The following SLC30A8 variants were observed in gnomAD, a reference collection of about 807,000 sequenced individuals.
SLC30A8 encodes proton-coupled zinc antiporter SLC30A8.
A neutral mutation model predicts 36.9 loss-of-function variants in SLC30A8; 27 were observed. The observed-to-expected ratio is 0.73, with a 90% confidence interval of 0.54 to 1.01. The LOEUF is 1.01. SLC30A8 is among the 50% of genes least tolerant of loss of function. The probability of loss-of-function intolerance (pLI) is 0.00; values close to 1 mark genes in which losing one functional copy is unlikely to be tolerated. For missense variants in SLC30A8, 439 were observed against 452.0 expected, an observed-to-expected ratio of 0.97 and a Z score of 0.26; for synonymous variants, 164 against 172.4, an observed-to-expected ratio of 0.95 and a Z score of 0.38.
At chr8:117,123,300 A>C (rs16889433) in intron 2 of SLC30A8, among the ~76,000 whole-genome samples, 8,601 of 152,060 alleles carry the variant, frequency 0.057, 657 homozygotes, top group African/African-American at 0.17. Context: ...CAAATACCTT[A>C]ATGTTTTAAA....
intron 1 of SLC30A8, among the ~76,000 whole-genome samples, chr8:117,002,814 A>G (rs993710546): frequency 1.3e-5 from 2 of 152,164 alleles, no homozygotes; most frequent in African/African-American, 4.8e-5. Context: ...CGTGTTGGCC[A>G]GGATGGTCTC....
Position 117,031,353 on chromosome 8 carries a change from C to CTA in SLC30A8, c.-265-7863_-265-7862dup, listed in dbSNP as rs576051969. ...GCTGTTCAATTCCAAAGCTTATATG[C>CTA]TATACTATAGGGCTTTCTAGAATTT... On this transcript the variant is annotated intron_variant, in intron 1 of 10. Coordinates refer to the SLC30A8 transcript ENST00000427715. 7.9e-5 allele frequency among the ~76,000 whole-genome samples: 12 copies of CTA among 152,242 alleles called. No homozygotes were observed. In the East Asian group the frequency reaches 2.3e-3, roughly 29 times the overall value.
intron 1 of SLC30A8, among the ~76,000 whole-genome samples, chr8:117,022,920 T>C (rs1325047607): frequency 6.6e-6 from 1 of 152,144 alleles, no homozygotes; most frequent in African/African-American, 2.4e-5. Context: ...CAAAAGAGAC[T>C]ACCATCAGAT....
intron 1 of SLC30A8, among the ~76,000 whole-genome samples, chr8:117,035,897 G>A (rs1246738092): frequency 6.6e-6 from 1 of 152,186 alleles, no homozygotes; most frequent in Non-Finnish European, 1.5e-5. Flanking sequence ...GGAGCAGCTT[G>A]GACTCAGGGT....
At chr8:117,093,691 G>T (rs1327804165) in intron 2 of SLC30A8, among the ~76,000 whole-genome samples, 1 of 152,276 alleles carries the variant, frequency 6.6e-6, no homozygotes, top group Non-Finnish European at 1.5e-5. Flanking sequence ...TTACTGTCAT[G>T]GGATTTTTGG....
intron 2 of SLC30A8, among the ~76,000 whole-genome samples, chr8:117,114,287 C>G (rs1820352067): frequency 1.3e-5 from 2 of 152,042 alleles, no homozygotes; most frequent in Non-Finnish European, 2.9e-5. Context: ...ATTCAATTGA[C>G]AAGGACCATC....
chr8:117,146,357 A>G (rs972834977), intron 1 of SLC30A8, among the ~76,000 whole-genome samples: 7 of 152,166 alleles, frequency 4.6e-5, no homozygotes, highest in African/African-American at 1.7e-4. Context: ...CATGCTTTGT[A>G]TTTGAGCAGA....
intron 2 of SLC30A8, among the ~76,000 whole-genome samples, chr8:117,088,104 A>C (rs1818953278): frequency 1.3e-5 from 2 of 152,186 alleles, no homozygotes; most frequent in South Asian, 4.2e-4. Context: ...GGAGAGAGAA[A>C]GAGAAACAAA....
At chr8:116,976,651 C>G (rs188904412) in intron 1 of SLC30A8, among the ~76,000 whole-genome samples, 1 of 152,010 alleles carries the variant, frequency 6.6e-6, no homozygotes. Context: ...AAGCCAGGAG[C>G]GCAGAGGGCA....
intron 1 of SLC30A8, among the ~76,000 whole-genome samples, chr8:117,003,068 T>C (rs1314697798): frequency 6.6e-6 from 1 of 152,192 alleles, no homozygotes; most frequent in African/African-American, 2.4e-5. Context: ...TAAAGAGAAA[T>C]GACAGATATC....
intron 2 of SLC30A8, among the ~76,000 whole-genome samples, chr8:117,150,614 T>A (rs891957371): frequency 6.7e-5 from 10 of 150,322 alleles, no homozygotes; most frequent in South Asian, 2.1e-4. Flanking sequence ...TAAAAGAAAA[T>A]TTTTTTTTTG....
chr8:117,018,664 C>CT (rs746600218), intron 1 of SLC30A8, among the ~76,000 whole-genome samples: 5 of 39,964 alleles, frequency 1.3e-4, no homozygotes, highest in East Asian at 1.4e-3. Flanking sequence ...ATCTGACTAG[C>CT]CCCCCCCCCC....
rs372186614 is a variant in SLC30A8, at chr8:117,156,357, T to G, written c.419-1334T>G. ...CGCACCCAGCCAAAGATTAGTACTTTAACATATAAATTTGGGGGGAACATA... is the reference window on the plus strand; with the variant it reads ...CGCACCCAGCCAAAGATTAGTACTTGAACATATAAATTTGGGGGGAACATA... On this transcript the variant is annotated intron_variant, in intron 3 of 7. Coordinates refer to ENST00000456015, the MANE Select transcript of SLC30A8 (RefSeq NM_173851.3). Among the ~76,000 whole-genome samples, 170 of 152,316 alleles carry G rather than the reference T, an allele frequency of 1.1e-3. 2 individuals are homozygous for G. The highest frequency in any genetic ancestry group is 3.7e-3 in the African/African-American group (153 of 41,574).
At chr8:117,136,786 G>A (rs1350064235) in intron 1 of SLC30A8, among the ~76,000 whole-genome samples, 1 of 151,864 alleles carries the variant, frequency 6.6e-6, no homozygotes, top group Non-Finnish European at 1.5e-5. Context: ...TATTAACATA[G>A]ACTATTAGCA....
chr8:117,136,444 G>T (rs12547741), intron 1 of SLC30A8, among the ~76,000 whole-genome samples: 1 of 151,872 alleles, frequency 6.6e-6, no homozygotes, highest in Non-Finnish European at 1.5e-5. Context: ...TTAATAATAC[G>T]TGTAATGTTC....
chr8:117,086,912 G>A (rs1818900701), intron 2 of SLC30A8, among the ~76,000 whole-genome samples: 1 of 152,134 alleles, frequency 6.6e-6, no homozygotes, highest in South Asian at 2.1e-4. Context: ...ATCAAAATGA[G>A]TGCAAAGAGC....
chr8:116,980,432 C>T lies in SLC30A8; in HGVS notation c.-266+29313C>T, dbSNP rs567709555. On this transcript the variant is annotated intron_variant, in intron 1 of 10. Coordinates refer to the SLC30A8 transcript ENST00000427715. ...AGCTGGAGACCAGCTTTAATCTCAT[C>T]CCACAGGAAGTTCTGGAGCAGAAAT... is the stretch of plus-strand genomic sequence containing the variant. Among the ~76,000 whole-genome samples, 40 of 152,214 alleles carry T rather than the reference C, an allele frequency of 2.6e-4. No homozygotes were observed. The East Asian group carries it at 7.5e-3, about 29-fold the overall frequency.
intron 1 of SLC30A8, among the ~76,000 whole-genome samples, chr8:117,018,667 C>G (rs1281490913): frequency 1.8e-4 from 22 of 120,554 alleles, no homozygotes; most frequent in Admixed American, 1.3e-3. Flanking sequence ...TGACTAGCCC[C>G]CCCCCCCCTT....
intron 3 of SLC30A8, 130 bp downstream of exon 3, chr8:117,153,220 A>C: frequency 1.1e-6 from 1 of 869,836 alleles, no homozygotes; most frequent in Non-Finnish European, 1.7e-6. Flanking sequence ...CACAGGATAA[A>C]ACAAATGTGT....
Sources: gnomAD v4.1 joint callset for allele counts (sites outside exome capture counted in the v4.1 genomes callset) on GRCh38, gnomAD v4.1.1 for gene constraint, MANE v1.5 for transcripts, NCBI Gene and HGNC (gene_info 2026-07-23, HGNC 2026-07-21) for gene names.